PLEK: variants seen among roughly 807,000 people sequenced by gnomAD.
PLEK encodes the protein platelet 47 kDa protein.
Under a neutral mutation model 43.9 loss-of-function variants are expected in PLEK, and 25 were observed. The ratio of observed to expected loss-of-function variants is 0.57; its 90% confidence interval spans 0.41 to 0.79. PLEK has a LOEUF of 0.79. Among genes scored for constraint, PLEK ranks in the 30% least tolerant of loss-of-function variants. PLEK has a pLI of 0.00. For missense variants in PLEK, 396 were observed against 413.3 expected (o/e 0.96, Z 0.36); for synonymous variants, 152 against 144.4 (o/e 1.05, Z -0.38).
chr2:68,393,303 C>T, intron 7 of PLEK, 58 bp downstream of exon 7: 2 of 1,131,390 alleles, frequency 1.8e-6, no homozygotes, highest in African/African-American at 1.5e-5. Context: ...CATTTATAAT[C>T]TGGGCTTCCT....
chr2:68,367,469 A>C (rs577808514), intron 1 of PLEK, among the ~76,000 whole-genome samples: 1 of 152,158 alleles, frequency 6.6e-6, no homozygotes, highest in African/African-American at 2.4e-5. Context: ...TGATATTTTA[A>C]AGAAATGTTT....
chr2:68,367,975 T>C (rs1319081618), intron 1 of PLEK, among the ~76,000 whole-genome samples: 1 of 152,250 alleles, frequency 6.6e-6, no homozygotes, highest in Non-Finnish European at 1.5e-5. Flanking sequence ...TAAGTTGTTT[T>C]GGGTGGAAAA....
chr2:68,371,800 T>C (rs1195497915), intron 1 of PLEK, among the ~76,000 whole-genome samples: 3 of 152,006 alleles, frequency 2.0e-5, no homozygotes, highest in Non-Finnish European at 2.9e-5. Context: ...GAGTTTAGTT[T>C]TTTTTTGACA....
chr2:68,367,375 C>A (rs1384740805), intron 1 of PLEK, among the ~76,000 whole-genome samples: 1 of 151,984 alleles, frequency 6.6e-6, no homozygotes, highest in Non-Finnish European at 1.5e-5. Context: ...TACCTAAGTA[C>A]TATGCCTAGT....
At chr2:68,388,522 T>C (rs2241946) in intron 6 of PLEK, 31 bp downstream of exon 6, 312,529 of 1,128,656 alleles carry the variant, frequency 0.28, 46,414 homozygotes, top group Middle Eastern at 0.31. Flanking sequence ...CCATCTAGCC[T>C]TTTCCCTTTA....
chr2:68,365,418 G>C (rs187870923), intron 1 of PLEK, 25 bp downstream of exon 1: 228 of 1,594,714 alleles, frequency 1.4e-4, no homozygotes, highest in Middle Eastern at 6.7e-4. Flanking sequence ...CACTTACCAG[G>C]GTGTCAGTGG....
intron 1 of PLEK, among the ~76,000 whole-genome samples, chr2:68,370,793 T>C (rs886962024): frequency 6.6e-6 from 1 of 152,132 alleles, no homozygotes; most frequent in Non-Finnish European, 1.5e-5. Flanking sequence ...AGTTGCTTAA[T>C]TTTACATCCC....
intron 6 of PLEK, 103 bp downstream of exon 6, chr2:68,388,594 C>A: frequency 1.6e-6 from 1 of 641,350 alleles, no homozygotes; most frequent in Non-Finnish European, 2.9e-6. Context: ...AATAGTCAAG[C>A]AGAAAATGAA....
intron 5 of PLEK, among the ~76,000 whole-genome samples, chr2:68,387,563 C>T (rs571684703): frequency 1.3e-5 from 2 of 152,178 alleles, no homozygotes; most frequent in Admixed American, 1.3e-4. Context: ...AGTATGCTTA[C>T]CCACGATTGG....
At chr2:68,372,328 C>A (rs1573070014) in intron 1 of PLEK, among the ~76,000 whole-genome samples, 1 of 151,954 alleles carries the variant, frequency 6.6e-6, no homozygotes, top group East Asian at 1.9e-4. Context: ...TGTGCATCAC[C>A]ACACCCAGCT....
chr2:68,377,876 T>C (rs1673535123), intron 1 of PLEK, among the ~76,000 whole-genome samples: 1 of 152,230 alleles, frequency 6.6e-6, no homozygotes, highest in South Asian at 2.1e-4. Flanking sequence ...TTTTCCCCAA[T>C]ATTTTCTTAC....
chr2:68,376,840 A>G (rs988264437), intron 1 of PLEK, among the ~76,000 whole-genome samples: 5 of 152,162 alleles, frequency 3.3e-5, no homozygotes, highest in African/African-American at 1.2e-4. Flanking sequence ...CTGTTGTGCT[A>G]TGAAATCATA....
rs8761 is a variant in PLEK, at chr2:68,397,128, G to A, written c.*1312G>A. 68,154 of 151,944 alleles carry A rather than the reference G, an allele frequency of 0.45. 15,710 individuals are homozygous for A. The highest frequency in any genetic ancestry group is 0.51 in the African/African-American group (20,973 of 41,410). The allele number at this position is 151,944 out of a possible 1,614,324, so 9.4% of individuals were successfully genotyped here. Reference sequence around the variant, plus strand: ...ATTGAGAAAGACAGCACCCATTGAAGCAGATATGTGTGTGAAAGTATATTT... The same window carrying A: ...ATTGAGAAAGACAGCACCCATTGAAACAGATATGTGTGTGAAAGTATATTT... On this transcript the variant is annotated 3_prime_UTR_variant, in exon 9 of 9. Coordinates refer to ENST00000234313, the MANE Select transcript of PLEK (RefSeq NM_002664.3).
At chr2:68,383,061 A>C (rs1673662897) in intron 4 of PLEK, among the ~76,000 whole-genome samples, 1 of 152,208 alleles carries the variant, frequency 6.6e-6, no homozygotes, top group Non-Finnish European at 1.5e-5. Context: ...TTATGAGTTT[A>C]GGTAGTATGG....
rs1558499384 is a variant in PLEK, at chr2:68,384,170, TC to T, written c.472+1539del. Among the ~76,000 whole-genome samples, 16 of 45,558 alleles carry T rather than the reference TC, an allele frequency of 3.5e-4. 1 individual carries two copies. Among genetic ancestry groups the T allele is most frequent in the African/African-American group, 6.1e-4 (4 of 6,608 alleles). The allele number at this position is 45,558 out of a possible 152,430, so 29.9% of individuals were successfully genotyped here. ...TTTCTTCTTGTTCTCCTTCTCCTTC[TC>T]CTTCTCCTTCTCCTTCTCCTTCTCC... On this transcript the variant is annotated intron_variant, in intron 4 of 8. Coordinates refer to ENST00000234313, the MANE Select transcript of PLEK (RefSeq NM_002664.3).
intron 1 of PLEK, among the ~76,000 whole-genome samples, chr2:68,372,035 T>C (rs112388804): frequency 0.023 from 3,519 of 152,286 alleles, 68 homozygotes; most frequent in Admixed American, 0.069. Flanking sequence ...TTTAAAAAAT[T>C]GGGAGTGTTG....
intron 6 of PLEK, among the ~76,000 whole-genome samples, chr2:68,390,386 T>G (rs141628090): frequency 1.3e-5 from 2 of 152,368 alleles, no homozygotes; most frequent in African/African-American, 4.8e-5. Context: ...AGCCTTTTTC[T>G]TAAAAGCTAA....
intron 1 of PLEK, 65 bp downstream of exon 1, chr2:68,365,458 C>A: frequency 8.6e-7 from 1 of 1,168,898 alleles, no homozygotes; most frequent in Non-Finnish European, 1.3e-6. Context: ...GGGTTCAGCT[C>A]CACCGGCTAC....
At chr2:68,395,580 A>C (rs1673947617) in intron 8 of PLEK, 100 bp from the exon 9 acceptor site, 1 of 1,282,022 alleles carries the variant, frequency 7.8e-7, no homozygotes. Context: ...ATTTCCTTAG[A>C]ACACGAAGAA....
Sources: allele counts gnomAD v4.1 joint callset (sites outside exome capture counted in the v4.1 genomes callset), GRCh38; gene constraint gnomAD v4.1.1; transcripts MANE v1.5; gene names NCBI Gene and HGNC (gene_info 2026-07-23, HGNC 2026-07-21).